Variants in BRK1 observed in about 807,000 individuals in gnomAD.
The protein encoded by BRK1 is BRICK1 subunit of SCAR/WAVE actin nucleating complex, also known as protein BRICK1.
In BRK1, 6 loss-of-function variants were observed where a neutral mutation model predicts 9.9. The ratio of observed to expected loss-of-function variants is 0.60; its 90% CI spans 0.33 to 1.19. The LOEUF (loss-of-function observed/expected upper bound fraction) is 1.19. BRK1 is among the 50% of genes most tolerant of loss of function. The pLI is 0.04. For missense variants in BRK1, 62 were observed against 97.5 expected, an observed-to-expected ratio of 0.64 and a Z score of 1.53; for synonymous variants, 44 against 31.9, an observed-to-expected ratio of 1.38 and a Z score of -1.28.
At chr3:10,125,569 T>C in intron 1 of BRK1, 57 bp from the exon 2 acceptor site, 1 of 1,013,640 alleles carries the variant, frequency 9.9e-7, no homozygotes. Flanking sequence ...GTGTTGTGTG[T>C]GTCTGTGTCT....
At chr3:10,118,634 T>G (rs1695717655) in intron 1 of BRK1, among the ~76,000 whole-genome samples, 1 of 151,996 alleles carries the variant, frequency 6.6e-6, no homozygotes, top group African/African-American at 2.4e-5. Context: ...ACTACAGGTG[T>G]GTGCCACCAT....
intron 1 of BRK1, among the ~76,000 whole-genome samples, chr3:10,123,370 T>C (rs1695784319): frequency 6.6e-6 from 1 of 152,052 alleles, no homozygotes; most frequent in Admixed American, 6.6e-5. Flanking sequence ...ATGGCTTTAA[T>C]GAGCTCAGAA....
intron 1 of BRK1, among the ~76,000 whole-genome samples, chr3:10,121,040 G>T (rs1436388274): frequency 3.3e-5 from 5 of 152,108 alleles, no homozygotes. Flanking sequence ...AGTACATCCA[G>T]GAAAAGGGGG....
At chr3:10,125,748 A>G (rs760115323) in intron 2 of BRK1, 40 bp downstream of exon 2, 18 of 1,381,034 alleles carry the variant, frequency 1.3e-5, no homozygotes, top group African/African-American at 2.9e-5. Flanking sequence ...GAGAATGCAC[A>G]TTTCCACTTA....
chr3:10,127,152 C>T lies in BRK1; in HGVS notation c.*857C>T, dbSNP rs1449728253. ...ATTTACCAAGTATTTACTATGTAGG[C>T]ATGTTAAACTCCAATAAAACATACA... On this transcript the variant is annotated 3_prime_UTR_variant, in exon 3 of 3. Coordinates refer to ENST00000530758, the MANE Select transcript of BRK1 (RefSeq NM_018462.5). The T allele has an allele frequency of 6.6e-6, 1 of 152,224 alleles. No homozygotes were observed. Among genetic ancestry groups the T allele is most frequent in the African/African-American group, 2.4e-5 (1 of 41,456 alleles). The allele number at this position is 152,224 out of a possible 1,614,324, so 9.4% of individuals were successfully genotyped here. A position where few individuals can be genotyped will look rare whatever the true frequency, so the allele number is the denominator to read the frequency against.
At chr3:10,126,126 C>T in intron 2 of BRK1, 143 bp from the exon 3 acceptor site, 1 of 591,432 alleles carries the variant, frequency 1.7e-6, no homozygotes, top group Admixed American at 3.7e-5. Flanking sequence ...AAGCATGTTG[C>T]CTGGATTTGA....
At chr3:10,117,192 G>T (rs185408622) in intron 1 of BRK1, among the ~76,000 whole-genome samples, 1 of 152,286 alleles carries the variant, frequency 6.6e-6, no homozygotes, top group African/African-American at 2.4e-5. Flanking sequence ...AGTGAGCCAT[G>T]TTCATGCCAC....
intron 1 of BRK1, among the ~76,000 whole-genome samples, chr3:10,124,550 C>CA (rs910093427): frequency 6.6e-6 from 1 of 152,096 alleles, no homozygotes; most frequent in Non-Finnish European, 1.5e-5. Flanking sequence ...ATAAATCAAA[C>CA]ACTGGTCACT....
At chr3:10,121,217 A>G (rs779004286) in intron 1 of BRK1, among the ~76,000 whole-genome samples, 33 of 152,190 alleles carry the variant, frequency 2.2e-4, no homozygotes, top group Non-Finnish European at 4.6e-4. Context: ...GGTATAAGGT[A>G]TCTTTTGGGG....
Position 10,122,544 on chromosome 3 carries a change from C to CAA in BRK1, c.119-3079_119-3078dup, listed in dbSNP as rs113114651. Among the ~76,000 whole-genome samples the CAA allele has an allele frequency of 4.1e-3, 621 of 151,220 alleles. 17 individuals are homozygous for CAA. The South Asian group carries it at 0.057, about 14-fold the overall frequency. On this transcript the variant is annotated intron_variant, in intron 1 of 2. Transcript: ENST00000530758. ...AACAAAGTGAGACCCCCATATCTAC[C>CAA]AAAACAAAAAACAAAAAAATTAGCC... is the stretch of plus-strand genomic sequence containing the variant.
chr3:10,125,832 T>C, intron 2 of BRK1, 124 bp downstream of exon 2: 2 of 672,392 alleles, frequency 3.0e-6, no homozygotes, highest in Non-Finnish European at 5.0e-6. Context: ...GGCTCACGCC[T>C]GTAATCCCAG....
intron 1 of BRK1, among the ~76,000 whole-genome samples, chr3:10,121,232 T>C (rs1192742431): frequency 6.6e-6 from 1 of 152,114 alleles, no homozygotes; most frequent in African/African-American, 2.4e-5. Context: ...TTGGGGATGA[T>C]GAAAATATTC....
rs779329989 is a variant in BRK1, at chr3:10,125,577, T to G, written c.119-49T>G. ...ATTGTAGGTGTTGTGTGTGTCTGTG[T>G]CTGTGTTTGGAGTGACATTAATCCT... is the stretch of plus-strand genomic sequence containing the variant. On this transcript the variant is annotated intron_variant, in intron 1 of 2. Transcript: ENST00000530758. The G allele has an allele frequency of 1.5e-5, 17 of 1,138,694 alleles. No homozygotes were observed. The Admixed American group carries it at 1.6e-4, about 11-fold the overall frequency. 70.5% of individuals were successfully genotyped at this position (1,138,694 alleles called of 1,614,324 possible). A position where few individuals can be genotyped will look rare whatever the true frequency, so the allele number is the denominator to read the frequency against.
intron 1 of BRK1, among the ~76,000 whole-genome samples, chr3:10,122,044 C>A (rs1230762598): frequency 2.0e-4 from 30 of 151,846 alleles, no homozygotes; most frequent in Non-Finnish European, 1.0e-4. Flanking sequence ...TGTGCGCCAC[C>A]ATGCTTAGCT....
chr3:10,125,617 T>C lies in BRK1; in HGVS notation c.119-9T>C. On this transcript the variant is annotated splice_polypyrimidine_tract_variant and intron_variant, in intron 1 of 2. Transcript: ENST00000530758. ...ACATTAATCCTGAACACCAGTCTCT[T>C]TTTCTCAGATATGTCTTGTCGTTCA... The C allele has an allele frequency of 6.3e-7, 1 of 1,598,444 alleles. No individual in the cohort carries two copies. The highest frequency in any genetic ancestry group is 8.6e-7 in the Non-Finnish European group (1 of 1,169,156).
intron 1 of BRK1, among the ~76,000 whole-genome samples, chr3:10,121,144 A>G (rs1204824557): frequency 1.3e-5 from 2 of 152,202 alleles, no homozygotes; most frequent in African/African-American, 4.8e-5. Context: ...AAATCCATAG[A>G]GACAAAGATT....
intron 1 of BRK1, among the ~76,000 whole-genome samples, chr3:10,116,192 C>A (rs886721252): frequency 3.9e-5 from 6 of 152,186 alleles, no homozygotes; most frequent in African/African-American, 1.2e-4. Flanking sequence ...AGTGAGCATC[C>A]GGGACCGTGT....
chr3:10,125,842 G>A (rs111463051), intron 2 of BRK1, 134 bp downstream of exon 2: 7 of 633,886 alleles, frequency 1.1e-5, no homozygotes, highest in Non-Finnish European at 1.9e-5. Context: ...TGTAATCCCA[G>A]CACTTTGGGA....
chr3:10,118,952 C>T (rs568838222), intron 1 of BRK1, among the ~76,000 whole-genome samples: 1 of 152,194 alleles, frequency 6.6e-6, no homozygotes, highest in East Asian at 1.9e-4. Context: ...TATGATGATC[C>T]ACTGCCATTT....
Sources: allele counts gnomAD v4.1 joint callset (sites outside exome capture counted in the v4.1 genomes callset), GRCh38; gene constraint gnomAD v4.1.1; transcripts MANE v1.5; gene names NCBI Gene and HGNC (gene_info 2026-07-23, HGNC 2026-07-21).